Variants in RGS20 observed in about 807,000 individuals in gnomAD.
The protein encoded by RGS20 is gz-selective GTPase-activating protein.
A neutral mutation model predicts 33.6 loss-of-function variants in RGS20; 30 were observed. The ratio of observed to expected loss-of-function variants is 0.89; its 90% confidence interval spans 0.67 to 1.21. The LOEUF is 1.21. RGS20 is among the 50% of genes most tolerant of loss of function. RGS20 has a pLI of 0.00. For missense variants in RGS20, 472 were observed against 502.4 expected (o/e 0.94, Z 0.58); for synonymous variants, 208 against 197.9 (o/e 1.05, Z -0.43).
chr8:53,949,956 T>C (rs1563434392), intron 4 of RGS20, among the ~76,000 whole-genome samples: 1 of 151,506 alleles, frequency 6.6e-6, no homozygotes. Context: ...TCTCATGCCT[T>C]AGCCTCCCAA....
chr8:53,882,448 G>A (rs1300254662), intron 2 of RGS20, among the ~76,000 whole-genome samples: 1 of 152,126 alleles, frequency 6.6e-6, no homozygotes. Flanking sequence ...AGGCGAGGGG[G>A]ATCCCAGGGG....
chr8:53,911,330 C>A lies in RGS20; in HGVS notation c.511-28246C>A, dbSNP rs143951746. On this transcript the variant is annotated intron_variant, in intron 2 of 5. Coordinates refer to ENST00000297313, the MANE Select transcript of RGS20 (RefSeq NM_170587.4). ...ACAGTTAACAGAAAGCAAAATTGAT[C>A]CATAAAACCTAAAGCCAATTCTTTG... 1.1e-3 allele frequency among the ~76,000 whole-genome samples: 174 copies of A among 152,176 alleles called. 1 individual carries two copies. The highest frequency in any genetic ancestry group is 4.0e-3 in the African/African-American group (166 of 41,524).
chr8:53,917,502 A>G (rs1429864823), intron 2 of RGS20, among the ~76,000 whole-genome samples: 1 of 152,164 alleles, frequency 6.6e-6, no homozygotes, highest in Non-Finnish European at 1.5e-5. Context: ...TTTTCCTTAT[A>G]TTAAACTCCT....
rs116999648 is a variant in RGS20, at chr8:53,866,992, G to A, written c.166-12266G>A. Among the ~76,000 whole-genome samples, 166 of 152,282 alleles carry A rather than the reference G, an allele frequency of 1.1e-3. No homozygotes were observed. In the East Asian group the frequency reaches 0.021, roughly 19 times the overall value. On this transcript the variant is annotated intron_variant, in intron 1 of 5. Transcript: ENST00000297313. ...AATGGGCCCCATGCTGAACCCAAAC[G>A]TAGGCTCGGCTAGAAGCCCTAGAGA...
rs151098244 is a variant in RGS20 at position 53,916,517 on chromosome 8, T to C, written c.511-23059T>C. On this transcript the variant is annotated intron_variant, in intron 2 of 5. Transcript: ENST00000297313. The stretch of plus-strand genomic sequence containing the variant: ...AGTCTTATCTCAGAGGAAGATATTA[T>C]CTGTTTTCTTCTGGGATCTGTTGTT... Among the ~76,000 whole-genome samples the C allele has an allele frequency of 1.3e-4, 20 of 152,316 alleles. No homozygotes were observed. In the East Asian group the frequency reaches 3.9e-3, roughly 29 times the overall value.
At chr8:53,939,217 G>A (rs982815224) in intron 2 of RGS20, among the ~76,000 whole-genome samples, 5 of 152,088 alleles carry the variant, frequency 3.3e-5, no homozygotes, top group Non-Finnish European at 5.9e-5. Flanking sequence ...GTCCCCCTTT[G>A]GTTCAGGCCA....
chr8:53,895,761 T>C (rs1335299601), intron 2 of RGS20, among the ~76,000 whole-genome samples: 3 of 151,654 alleles, frequency 2.0e-5, no homozygotes, highest in African/African-American at 7.3e-5. Context: ...TCTCTTGCCT[T>C]AGCCTCTTGA....
At chr8:53,947,784 T>C (rs62651848) in intron 4 of RGS20, among the ~76,000 whole-genome samples, 1 of 102,538 alleles carries the variant, frequency 9.8e-6, no homozygotes, top group Non-Finnish European at 2.1e-5. Context: ...GGATATAGTA[T>C]ATACATTTAT....
At chr8:53,888,886 C>T (rs11994972) in intron 2 of RGS20, among the ~76,000 whole-genome samples, 2,638 of 152,240 alleles carry the variant, frequency 0.017, 81 homozygotes, top group African/African-American at 0.06. Flanking sequence ...TGTTGTTGTA[C>T]GTGTTGTTAT....
At chr8:53,899,391 T>C (rs890902606) in intron 2 of RGS20, among the ~76,000 whole-genome samples, 1 of 152,234 alleles carries the variant, frequency 6.6e-6, no homozygotes, top group Non-Finnish European at 1.5e-5. Flanking sequence ...ACAACCTGCA[T>C]TTCTGTACTT....
intron 2 of RGS20, among the ~76,000 whole-genome samples, chr8:53,910,160 A>G (rs1813312878): frequency 6.6e-6 from 1 of 152,300 alleles, no homozygotes; most frequent in African/African-American, 2.4e-5. Context: ...AACAGAATCA[A>G]TCAAAGCACT....
At chr8:53,906,328 A>G (rs1449655711) in intron 2 of RGS20, among the ~76,000 whole-genome samples, 1 of 152,038 alleles carries the variant, frequency 6.6e-6, no homozygotes, top group East Asian at 1.9e-4. Flanking sequence ...GTGAGCCGAG[A>G]CAGCACCCCT....
chr8:53,916,725 GTTGCTATAACAGAATTCCA>G (rs1813493740), intron 2 of RGS20, among the ~76,000 whole-genome samples: 1 of 152,132 alleles, frequency 6.6e-6, no homozygotes, highest in Non-Finnish European at 1.5e-5. Context: ...GTCAATTCAT[GTTGCTATAACAGAATTCCA>G]TAGGCCGGGT....
At chr8:53,955,797 C>G (rs1197530239) in intron 5 of RGS20, among the ~76,000 whole-genome samples, 8 of 152,172 alleles carry the variant, frequency 5.3e-5, no homozygotes, top group Admixed American at 3.9e-4. Context: ...CGTCATTGCA[C>G]TCCAGCCTGG....
At chr8:53,855,934 T>C (rs147875188) in intron 1 of RGS20, among the ~76,000 whole-genome samples, 19 of 152,210 alleles carry the variant, frequency 1.2e-4, no homozygotes, top group Non-Finnish European at 1.2e-4. Flanking sequence ...AGTTTAGATA[T>C]ACTATTGGTT....
chr8:53,872,746 G>A lies in RGS20; in HGVS notation c.166-6512G>A, dbSNP rs144368153. Among the ~76,000 whole-genome samples the A allele has an allele frequency of 5.9e-5, 9 of 152,280 alleles. No individual in the cohort carries two copies. The East Asian group carries it at 1.7e-3, about 29-fold the overall frequency. Reference sequence around the variant, plus strand: ...AGTGAGAGAACCCCAAGAGATAGCTGCAAACTCAATGAGAGAATAAAGAGT... The same window carrying A: ...AGTGAGAGAACCCCAAGAGATAGCTACAAACTCAATGAGAGAATAAAGAGT... On this transcript the variant is annotated intron_variant, in intron 1 of 5. Transcript: ENST00000297313.
chr8:53,866,251 A>G (rs1231138371), intron 1 of RGS20, among the ~76,000 whole-genome samples: 2 of 152,206 alleles, frequency 1.3e-5, no homozygotes, highest in Non-Finnish European at 2.9e-5. Context: ...TGACAGAAAG[A>G]TGGGTAGACA....
intron 5 of RGS20, 31 bp downstream of exon 4, chr8:53,954,341 G>T: frequency 6.9e-7 from 1 of 1,442,118 alleles, no homozygotes; most frequent in South Asian, 1.2e-5. Context: ...TTTTCCCAAG[G>T]CTGTTGGTAA....
chr8:53,904,647 A>G (rs1327351306), intron 2 of RGS20, among the ~76,000 whole-genome samples: 1 of 152,132 alleles, frequency 6.6e-6, no homozygotes. Context: ...ACAGACAAAG[A>G]TTTTCCCAAG....
Sources: gnomAD v4.1 joint callset for allele counts (sites outside exome capture counted in the v4.1 genomes callset) on GRCh38, gnomAD v4.1.1 for gene constraint, MANE v1.5 for transcripts, NCBI Gene and HGNC (gene_info 2026-07-23, HGNC 2026-07-21) for gene names.